Variants in SNX29 observed in about 807,000 individuals in gnomAD.
SNX29 encodes the protein sorting nexin 29.
Under a neutral mutation model 102.1 loss-of-function variants are expected in SNX29, and 78 were observed. The ratio of observed to expected loss-of-function variants is 0.76; its 90% CI spans 0.64 to 0.92. SNX29 has a LOEUF of 0.92. Ranked by LOEUF, SNX29 falls within the 40% of genes least tolerant of loss-of-function variation. SNX29 has a pLI of 0.00. For missense variants in SNX29, 1,280 were observed against 1,061.7 expected, an observed-to-expected ratio of 1.21 and a Z score of -2.86; for synonymous variants, 580 against 414.5, an observed-to-expected ratio of 1.40 and a Z score of -4.85.
At chr16:12,538,255 A>G (rs568902201) in intron 20 of SNX29, among the ~76,000 whole-genome samples, 1 of 152,212 alleles carries the variant, frequency 6.6e-6, no homozygotes, top group East Asian at 1.9e-4. Context: ...AGCTGGGATT[A>G]CAGGGATCTG....
chr16:12,517,516 C>T (rs210712), intron 19 of SNX29, among the ~76,000 whole-genome samples: 5 of 152,124 alleles, frequency 3.3e-5, no homozygotes, highest in Non-Finnish European at 5.9e-5. Flanking sequence ...TCTGGACTTT[C>T]GCAACATCCT....
chr16:12,040,890 T>C (rs978442119), intron 4 of SNX29, among the ~76,000 whole-genome samples: 2 of 152,252 alleles, frequency 1.3e-5, no homozygotes, highest in Non-Finnish European at 2.9e-5. Context: ...CTCGGCTCTC[T>C]GCAACCTCCG....
chr16:12,423,535 G>A (rs1031170040), intron 18 of SNX29, among the ~76,000 whole-genome samples: 2 of 152,128 alleles, frequency 1.3e-5, no homozygotes, highest in African/African-American at 2.4e-5. Context: ...GAAGGCTGGG[G>A]TAACAGGTGC....
At chr16:12,007,512 A>G (rs759816950) in intron 3 of SNX29, among the ~76,000 whole-genome samples, 2 of 152,210 alleles carry the variant, frequency 1.3e-5, no homozygotes, top group Non-Finnish European at 2.9e-5. Flanking sequence ...CAAAAAAATA[A>G]TTAAAAAGAA....
At chr16:12,396,787 C>G (rs1015922808) in intron 16 of SNX29, among the ~76,000 whole-genome samples, 3 of 152,164 alleles carry the variant, frequency 2.0e-5, no homozygotes, top group African/African-American at 7.2e-5. Context: ...TATTTGATTA[C>G]TTAGTAATGT....
chr16:12,243,680 C>G (rs1356018400), intron 14 of SNX29, among the ~76,000 whole-genome samples: 1 of 152,154 alleles, frequency 6.6e-6, no homozygotes, highest in Non-Finnish European at 1.5e-5. Flanking sequence ...GATTGGGCTT[C>G]AGGTCCATCC....
chr16:12,467,576 C>A (rs532910426), intron 18 of SNX29, among the ~76,000 whole-genome samples: 52 of 152,152 alleles, frequency 3.4e-4, no homozygotes, highest in Non-Finnish European at 6.8e-4. Context: ...CTGCCTGCAT[C>A]CACTCTGACC....
intron 18 of SNX29, among the ~76,000 whole-genome samples, chr16:12,420,348 G>C (rs1567545114): frequency 1.3e-5 from 2 of 152,232 alleles, no homozygotes; most frequent in African/African-American, 4.8e-5. Context: ...GACCCATCCT[G>C]ATTTCAGAGA....
intron 3 of SNX29, among the ~76,000 whole-genome samples, chr16:12,016,340 G>C (rs2056849137): frequency 2.0e-5 from 3 of 152,052 alleles, no homozygotes; most frequent in African/African-American, 7.2e-5. Flanking sequence ...TTCTGGTATA[G>C]GTTTCCAGGA....
rs375172855 is a variant in SNX29, at chr16:12,356,203, G to A, written c.1823G>A (p.Arg608His). Residue 608 changes from arginine to histidine, a missense_variant, in exon 16 of 21, where the codon CGC becomes CAC. Coordinates refer to ENST00000566228, the MANE Select transcript of SNX29 (RefSeq NM_032167.5). ...MHGELIEFNERLHRALVAKEA... is the reference protein window; with the variant it reads ...MHGELIEFNEHLHRALVAKEA... ...GGCGAGCTGATTGAGTTCAACGAGC[G>A]CCTGCACAGGGCCCTGGTAGCCAAG... The A allele has an allele frequency of 2.7e-5, 43 of 1,613,260 alleles. No individual in the cohort carries two copies. The highest frequency in any genetic ancestry group is 2.1e-4 in the African/African-American group (16 of 74,894).
At chr16:12,563,587 C>T (rs139657379) in intron 20 of SNX29, among the ~76,000 whole-genome samples, 2 of 143,406 alleles carry the variant, frequency 1.4e-5, no homozygotes, top group East Asian at 2.0e-4. Context: ...GTGGCTTAGG[C>T]CTCCATGTCT....
At chr16:12,085,818 GTTATA>G (rs1479080548) in intron 11 of SNX29, among the ~76,000 whole-genome samples, 6 of 152,140 alleles carry the variant, frequency 3.9e-5, no homozygotes, top group Non-Finnish European at 7.3e-5. Context: ...TGAGGTGTAG[GTTATA>G]TTATTCTCTT....
intron 20 of SNX29, among the ~76,000 whole-genome samples, chr16:12,531,081 T>C (rs2076919618): frequency 6.6e-6 from 1 of 152,216 alleles, no homozygotes; most frequent in Admixed American, 6.5e-5. Context: ...AGAGGGTATG[T>C]GCATTTTAAA....
intron 17 of SNX29, among the ~76,000 whole-genome samples, chr16:12,399,821 G>C (rs139056829): frequency 6.6e-6 from 1 of 152,110 alleles, no homozygotes; most frequent in African/African-American, 2.4e-5. Context: ...TTTGCCTGCT[G>C]TGGGCTTGTG....
In SNX29 at chr16:12,569,021, G is replaced by C. The variant is rs796681448; in HGVS notation, c.*392G>C. 2.3e-4 allele frequency: 56 copies of C among 248,800 alleles called. No individual in the cohort carries two copies. The highest frequency in any genetic ancestry group is 1.3e-3 in the South Asian group (9 of 6,692). 15.4% of individuals were successfully genotyped at this position (248,800 alleles called of 1,614,324 possible). A position where few individuals can be genotyped will look rare whatever the true frequency, so the allele number is the denominator to read the frequency against. On this transcript the variant is annotated 3_prime_UTR_variant, in exon 21 of 21. Coordinates refer to ENST00000566228, the MANE Select transcript of SNX29 (RefSeq NM_032167.5). ...ATATAGGAAGGTTCATGCAGAGCCAGCCTCTCCACTCTTTCCCACGTGGGG... is the reference window on the plus strand; with the variant it reads ...ATATAGGAAGGTTCATGCAGAGCCACCCTCTCCACTCTTTCCCACGTGGGG...
intron 10 of SNX29, among the ~76,000 whole-genome samples, chr16:12,073,082 A>T (rs1430147990): frequency 6.6e-6 from 1 of 151,872 alleles, no homozygotes; most frequent in African/African-American, 2.4e-5. Context: ...AGTCTTGCTA[A>T]CGGTCTATCA....
At chr16:12,393,119 G>A (rs938647090) in intron 16 of SNX29, among the ~76,000 whole-genome samples, 1 of 152,220 alleles carries the variant, frequency 6.6e-6, no homozygotes, top group South Asian at 2.1e-4. Context: ...GTGAGAAAGT[G>A]ACTCTGGAAA....
intron 3 of SNX29, among the ~76,000 whole-genome samples, chr16:12,018,250 T>G (rs2056908358): frequency 6.6e-6 from 1 of 152,178 alleles, no homozygotes; most frequent in Non-Finnish European, 1.5e-5. Flanking sequence ...TTTATGTTTT[T>G]CTTCATATAG....
At chr16:12,141,747 G>C (rs758761301) in intron 13 of SNX29, among the ~76,000 whole-genome samples, 1 of 152,232 alleles carries the variant, frequency 6.6e-6, no homozygotes, top group Non-Finnish European at 1.5e-5. Flanking sequence ...ATAATGAGCA[G>C]TGAGGACGAC....
Sources: gnomAD v4.1 joint callset for allele counts (sites outside exome capture counted in the v4.1 genomes callset) on GRCh38, gnomAD v4.1.1 for gene constraint, MANE v1.5 for transcripts, NCBI Gene and HGNC (gene_info 2026-07-23, HGNC 2026-07-21) for gene names.